SLC35F4: variants seen among roughly 807,000 people sequenced by gnomAD.
The protein encoded by SLC35F4 is chromosome 14 open reading frame 36.
SLC35F4 carries 24 observed loss-of-function variants against 44.2 expected under a neutral mutation model. That is an observed-to-expected ratio of 0.54 (90% CI 0.39 to 0.76). The LOEUF (loss-of-function observed/expected upper bound fraction) is 0.76. Ranked by LOEUF, SLC35F4 falls within the 30% of genes least tolerant of loss-of-function variation. The pLI is 0.00. For missense variants in SLC35F4, 562 were observed against 586.1 expected, an observed-to-expected ratio of 0.96 and a Z score of 0.42; for synonymous variants, 238 against 223.6, an observed-to-expected ratio of 1.06 and a Z score of -0.57.
chr14:57,679,848 C>A (rs1222341078), intron 1 of SLC35F4, among the ~76,000 whole-genome samples: 2 of 152,010 alleles, frequency 1.3e-5, no homozygotes, highest in South Asian at 4.1e-4. Flanking sequence ...CCTGAATCGA[C>A]CAATAACGAG....
intron 1 of SLC35F4, among the ~76,000 whole-genome samples, chr14:57,702,071 A>G (rs2075555715): frequency 6.6e-6 from 1 of 152,186 alleles, no homozygotes; most frequent in African/African-American, 2.4e-5. Flanking sequence ...AGGATGCTTC[A>G]AAGGCTACCA....
At chr14:57,752,759 G>A (rs993278981) in intron 1 of SLC35F4, among the ~76,000 whole-genome samples, 7 of 152,052 alleles carry the variant, frequency 4.6e-5, no homozygotes, top group Admixed American at 2.6e-4. Flanking sequence ...GCACCTGGCC[G>A]GAAAGCCTTG....
intron 1 of SLC35F4, among the ~76,000 whole-genome samples, chr14:57,859,650 G>T (rs980065454): frequency 2.6e-5 from 4 of 152,140 alleles, no homozygotes; most frequent in Non-Finnish European, 4.4e-5. Context: ...TGCACTGTAG[G>T]GAAGTAAATA....
At chr14:57,976,961 G>A (rs1379669368) in intron 1 of SLC35F4, 2 of 152,106 alleles carry the variant, frequency 1.3e-5, no homozygotes, top group Non-Finnish European at 2.9e-5. Context: ...ATTACACCTA[G>A]GGAGCAAGAA....
chr14:57,793,907 A>C (rs956177200), intron 1 of SLC35F4, among the ~76,000 whole-genome samples: 2 of 152,160 alleles, frequency 1.3e-5, no homozygotes, highest in African/African-American at 4.8e-5. Context: ...AAATAAAGCC[A>C]AATACTTACA....
Position 57,564,306 on chromosome 14 carries a change from A to C in SLC35F4, c.1287T>G (p.Ile429Met), listed in dbSNP as rs746839023. Residue 429 changes from isoleucine (I) to methionine (M), a missense_variant, in exon 8 of 8, where the codon ATT (isoleucine) becomes ATG (methionine). Ile to Met is a conservative substitution (Grantham distance 10). Transcript: ENST00000556826. The part of the protein sequence containing the change: ...VRLAATIIIC[I>M]GFLLMLLPEE... ...CAGGCAACAGCATCAGCAGAAACCC[A>C]ATGCAGATGATGATGGTAGCAGCCA... 6.8e-6 allele frequency: 11 copies of C among 1,612,556 alleles called. No individual in the cohort carries two copies. The South Asian group carries it at 1.2e-4, about 18-fold the overall frequency.
At chr14:57,629,594 A>T (rs1403003869) in intron 1 of SLC35F4, among the ~76,000 whole-genome samples, 1 of 152,170 alleles carries the variant, frequency 6.6e-6, no homozygotes, top group African/African-American at 2.4e-5. Flanking sequence ...GTTGTGCCAT[A>T]TAGAAACTTC....
chr14:57,813,450 C>A (rs1479928841), intron 1 of SLC35F4, among the ~76,000 whole-genome samples: 2 of 151,996 alleles, frequency 1.3e-5, no homozygotes, highest in African/African-American at 4.8e-5. Flanking sequence ...ATAAGCCAGG[C>A]ATGGCAGTGT....
intron 1 of SLC35F4, among the ~76,000 whole-genome samples, chr14:57,653,508 C>T (rs2073859991): frequency 6.6e-6 from 1 of 152,188 alleles, no homozygotes; most frequent in African/African-American, 2.4e-5. Context: ...GGCCACTACC[C>T]AAGCTGTTGA....
chr14:57,853,318 G>T (rs1237780736), intron 1 of SLC35F4, among the ~76,000 whole-genome samples: 2 of 152,148 alleles, frequency 1.3e-5, no homozygotes, highest in Non-Finnish European at 2.9e-5. Context: ...GGCTCTCAGG[G>T]CCAGAAGAGA....
intron 1 of SLC35F4, among the ~76,000 whole-genome samples, chr14:57,853,966 C>T (rs988083341): frequency 3.3e-5 from 5 of 152,200 alleles, no homozygotes; most frequent in African/African-American, 1.2e-4. Context: ...TAATACTCCA[C>T]ATCTTTCCAT....
intron 1 of SLC35F4, among the ~76,000 whole-genome samples, chr14:57,964,656 G>C (rs1032267652): frequency 6.6e-6 from 1 of 151,928 alleles, no homozygotes; most frequent in African/African-American, 2.4e-5. Context: ...TCTGTGGGAG[G>C]AAGAGGTTGT....
chr14:57,760,894 A>C (rs2077108675), intron 1 of SLC35F4, among the ~76,000 whole-genome samples: 1 of 152,138 alleles, frequency 6.6e-6, no homozygotes, highest in Non-Finnish European at 1.5e-5. Flanking sequence ...ATACTTTTTG[A>C]ATACTCAAGA....
chr14:57,964,892 T>G (rs552494239), intron 1 of SLC35F4, among the ~76,000 whole-genome samples: 2 of 151,260 alleles, frequency 1.3e-5, no homozygotes, highest in East Asian at 1.9e-4. Context: ...CATGTTGAGA[T>G]TTTAGGGGCA....
chr14:57,589,361 T>C lies in SLC35F4; in HGVS notation c.442A>G (p.Ile148Val). 1 of 1,613,984 alleles carries C rather than the reference T, an allele frequency of 6.2e-7. No individual in the cohort carries two copies. Among genetic ancestry groups the C allele is most frequent in the Non-Finnish European group, 8.5e-7 (1 of 1,179,876 alleles). The change falls in exon 3 of 8, where the codon ATT becomes GTT. Residue 148 changes from isoleucine to valine, a missense_variant. By Grantham distance (29) the Ile-to-Val change is conservative. Coordinates refer to ENST00000556826, the MANE Select transcript of SLC35F4 (RefSeq NM_001306087.2). ...AAGTTCTTATAAGTAATTTTTACAA[T>C]CTGTGTAGTTCCAACCCAAGATGAT... ...VSSSWVGTTQ[I>V]VKITYKNFYC...
intron 1 of SLC35F4, among the ~76,000 whole-genome samples, chr14:57,711,705 T>G (rs185222153): frequency 5.9e-5 from 9 of 152,322 alleles, no homozygotes; most frequent in Admixed American, 1.3e-4. Context: ...AAGGGTCACA[T>G]GTACACACAT....
chr14:57,564,784 T>C (rs1325931985), intron 7 of SLC35F4, among the ~76,000 whole-genome samples: 2 of 152,224 alleles, frequency 1.3e-5, no homozygotes, highest in Non-Finnish European at 2.9e-5. Flanking sequence ...CATTTTAAAG[T>C]GGACTTAGTG....
chr14:57,971,436 G>C (rs1881050907), intron 1 of SLC35F4, among the ~76,000 whole-genome samples: 1 of 152,116 alleles, frequency 6.6e-6, no homozygotes, highest in Non-Finnish European at 1.5e-5. Context: ...ACAAAAGCTG[G>C]TAAAAAGGTG....
chr14:57,566,789 G>A lies in SLC35F4; in HGVS notation c.1127-225C>T, dbSNP rs184566918. On this transcript the variant is annotated intron_variant, in intron 6 of 7. Coordinates refer to ENST00000556826, the MANE Select transcript of SLC35F4 (RefSeq NM_001306087.2). Reference sequence around the variant, plus strand: ...TTACCTGAATCTTGCCAATAGACTGGCAAAAGGTATATGGACAAATACAAA... The same window carrying A: ...TTACCTGAATCTTGCCAATAGACTGACAAAAGGTATATGGACAAATACAAA... 1.1e-4 allele frequency among the ~76,000 whole-genome samples: 16 copies of A among 152,220 alleles called. No individual in the cohort carries two copies. In the East Asian group the frequency reaches 3.1e-3, roughly 29 times the overall value.
Sources: allele counts gnomAD v4.1 joint callset (sites outside exome capture counted in the v4.1 genomes callset), GRCh38; gene constraint gnomAD v4.1.1; transcripts MANE v1.5; gene names NCBI Gene and HGNC (gene_info 2026-07-23, HGNC 2026-07-21).